Variants in CPT1C observed in about 807,000 individuals in gnomAD.
CPT1C encodes the protein palmitoyl thioesterase CPT1C.
A neutral mutation model predicts 97.3 loss-of-function variants in CPT1C; 61 were observed. The ratio of observed to expected loss-of-function variants is 0.63; its 90% confidence interval spans 0.51 to 0.78. The LOEUF is 0.78. Ranked by LOEUF, CPT1C falls within the 30% of genes least tolerant of loss-of-function variation. The pLI is 0.00. For missense variants in CPT1C, 975 were observed against 1,065.5 expected, an observed-to-expected ratio of 0.92 and a Z score of 1.18; for synonymous variants, 469 against 447.2, an observed-to-expected ratio of 1.05 and a Z score of -0.61.
Position 49,711,836 on chromosome 19 carries a change from G to A in CPT1C, c.1894G>A (p.Val632Met), listed in dbSNP as rs141139944. ...TDPQCLALFR[V>M]AVDKHQALLK... The stretch of plus-strand genomic sequence containing the variant: ...CCCACAGTGCCTCGCCCTGTTCCGC[G>A]TGGCAGTGGACAAGCACCAGGCTCT... Residue 632 changes from valine to methionine, a missense_variant, in exon 17 of 20, where the codon GTG (valine) becomes ATG (methionine). By Grantham distance (21) the Val-to-Met change is conservative. Transcript: ENST00000598293. The A allele has an allele frequency of 1.3e-4, 211 of 1,613,570 alleles. No homozygotes were observed. The highest frequency in any genetic ancestry group is 6.0e-4 in the East Asian group (27 of 44,880).
In CPT1C at chr19:49,701,529, C is replaced by T. The variant is rs1236869687; in HGVS notation, c.588C>T (p.Asp196=). The T allele has an allele frequency of 5.6e-6, 9 of 1,611,772 alleles. No homozygotes were observed. In the South Asian group the frequency reaches 7.7e-5, roughly 14 times the overall value. ...AGTCGGTCCGGCCCATCCTCTCCGA[C>T]GAGGACTTCGACTGGACCGCGGTCC... ...YLESVRPILS[D]EDFDWTAVLA... is the part of the protein sequence containing the mutation. Residue 196 remains aspartate, a synonymous_variant, in exon 7 of 20, where the codon GAC becomes GAT. Transcript: ENST00000598293.
intron 15 of CPT1C, 61 bp downstream of exon 15, chr19:49,710,545 C>T (rs1365288380): frequency 6.3e-7 from 1 of 1,597,682 alleles, no homozygotes; most frequent in Admixed American, 1.7e-5. Context: ...GCCCCCAAGA[C>T]CTGCCCCTCC....
chr19:49,704,595 C>A (rs1327608592), intron 7 of CPT1C, 115 bp from the exon 8 acceptor site: 1 of 769,784 alleles, frequency 1.3e-6, no homozygotes, highest in African/African-American at 1.7e-5. Flanking sequence ...TGGCTGACTT[C>A]TTTGGCTCTA....
chr19:49,711,005 C>A, intron 16 of CPT1C, 148 bp downstream of exon 16: 1 of 757,214 alleles, frequency 1.3e-6, no homozygotes, highest in East Asian at 2.8e-5. Flanking sequence ...CTTCAAAGAG[C>A]TCACTGATGG....
intron 10 of CPT1C, among the ~76,000 whole-genome samples, chr19:49,705,659 C>T (rs1600114363): frequency 6.6e-6 from 1 of 152,058 alleles, no homozygotes. Flanking sequence ...AATCGGGAGC[C>T]TGAAGTGGAA....
chr19:49,713,428 C>T lies in CPT1C; in HGVS notation c.2235C>T (p.His745=), dbSNP rs771226517. The change falls in exon 20 of 20, where the codon CAC becomes CAT. Residue 745 remains histidine (H), a synonymous_variant. Transcript: ENST00000598293. ...ACCTGTTCTCCTTCCAGGATTCCCA[C>T]AGGCTGGGGCAGCACATTGAGGACG... ...SKKSSTKTDS[H]RLGQHIEDAL... 3.7e-6 allele frequency: 6 copies of T among 1,610,314 alleles called. No homozygotes were observed. The highest frequency in any genetic ancestry group is 5.1e-6 in the Non-Finnish European group (6 of 1,178,386).
chr19:49,708,792 C>T lies in CPT1C; in HGVS notation c.1519C>T (p.Pro507Ser), dbSNP rs141796718. Residue 507 changes from proline to serine, a missense_variant, in exon 14 of 20, where the codon CCC becomes TCC. This residue lies in a region of CPT1C where 344 missense variants were observed against 395.7 expected (regional missense o/e 0.87). Transcript: ENST00000598293. ...CGGCCACTGCAAGGGGCACCCGGAC[C>T]CCACACTACCCCAGCCCCAGCGGCT... is the stretch of plus-strand genomic sequence containing the variant. ...TDGHCKGHPDPTLPQPQRLQW... is the reference protein window; with the variant it reads ...TDGHCKGHPDSTLPQPQRLQW... 8.1e-6 allele frequency: 13 copies of T among 1,613,930 alleles called. No homozygotes were observed. Among genetic ancestry groups the T allele is most frequent in the Non-Finnish European group, 1.1e-5 (13 of 1,179,948 alleles).
intron 17 of CPT1C, 139 bp from the exon 18 acceptor site, chr19:49,712,597 C>CAGGAGAAGGGCGTGGTT (rs1253579434): frequency 3.1e-6 from 2 of 655,390 alleles, no homozygotes; most frequent in African/African-American, 3.6e-5. Flanking sequence ...AGGGCGTGGT[C>CAGGAGAAGGGCGTGGTT]AGGAGAAGGG....
Position 49,706,392 on chromosome 19 carries a change from T to TGGCC in CPT1C, c.1329_1332dup (p.Gly445ProfsTer4). 1.3e-6 allele frequency: 2 copies of TGGCC among 1,497,944 alleles called. No individual in the cohort carries two copies. The highest frequency in any genetic ancestry group is 1.8e-6 in the Non-Finnish European group (2 of 1,131,280). 92.8% of individuals were successfully genotyped at this position (1,497,944 alleles called of 1,614,324 possible). On this transcript the variant is annotated frameshift_variant, in exon 12 of 20. Transcript: ENST00000598293. LOFTEE classifies it high-confidence loss of function. This position sits in a 1 kb window ranked among gnomAD's most constrained non-coding sequence, Gnocchi z 4.8. ...TTGGATGCCTACGCCCATGCTCTGC[T>TGGCC]GGCCGGCCGGGGCCATGATCGGTGA...
In CPT1C at chr19:49,706,348, G is replaced by C. The variant is rs1181187524; in HGVS notation, c.1278G>C (p.Arg426Ser). The change falls in exon 12 of 20, where the codon AGG becomes AGC. Residue 426 changes from arginine to serine, a missense_variant. Physicochemically the swap from Arg to Ser is moderately radical, Grantham distance 110 (BLOSUM62 -1). This residue lies in a region of CPT1C where 596 missense variants were observed against 603.1 expected (regional missense o/e 0.99). Transcript: ENST00000598293. The surrounding 1 kb of genome is among the most constrained non-coding windows in gnomAD (Gnocchi z 4.8). ...ATGCTGAGCCCGCGGGGCTCACCAGGGAGGACCCGGCAGCGTCGTTGGATG... is the reference window on the plus strand; with the variant it reads ...ATGCTGAGCCCGCGGGGCTCACCAGCGAGGACCCGGCAGCGTCGTTGGATG... ...SLDAEPAGLT[R>S]EDPAASLDAY... 2.0e-6 allele frequency: 3 copies of C among 1,516,388 alleles called. No individual in the cohort carries two copies. 93.9% of individuals were successfully genotyped at this position (1,516,388 alleles called of 1,614,324 possible).
chr19:49,710,324 A>G lies in CPT1C; in HGVS notation c.1571A>G (p.His524Arg), dbSNP rs1247855972. 6.2e-7 allele frequency: 1 copy of G among 1,613,102 alleles called. No individual in the cohort carries two copies. The highest frequency in any genetic ancestry group is 1.1e-5 in the South Asian group (1 of 91,056). ...TCTTCCCTCCTCCTCTGGCAGATCC[A>G]CTCCTCCATCTCTCTAGCCCTGAGG... ...RLQWDLPDQI[H>R]SSISLALRGA... The change falls in exon 15 of 20, where the codon CAC (histidine) becomes CGC (arginine). Residue 524 changes from histidine to arginine, a missense_variant. By Grantham distance (29) the His-to-Arg change is conservative (BLOSUM62 0). This residue lies in a region of CPT1C where 344 missense variants were observed against 395.7 expected (regional missense o/e 0.87). Transcript: ENST00000598293.
intron 3 of CPT1C, among the ~76,000 whole-genome samples, chr19:49,695,278 ATTTTTT>A (rs947374904): frequency 1.6e-5 from 2 of 127,554 alleles, no homozygotes; most frequent in Admixed American, 8.5e-5. Context: ...AAAATGCACA[ATTTTTT>A]TTTTTTTTTT....
At chr19:49,701,927 TA>T (rs2083104450) in intron 7 of CPT1C, among the ~76,000 whole-genome samples, 2 of 94,260 alleles carry the variant, frequency 2.1e-5, no homozygotes, top group South Asian at 5.3e-4. Context: ...TATATACAAA[TA>T]TTAATATTTA....
Position 49,700,803 on chromosome 19 carries a change from G to T in CPT1C, c.401G>T (p.Gly134Val), listed in dbSNP as rs1568515342. The T allele has an allele frequency of 6.2e-7, 1 of 1,613,346 alleles. No individual in the cohort carries two copies. The highest frequency in any genetic ancestry group is 8.5e-7 in the Non-Finnish European group (1 of 1,180,024). The change falls in exon 5 of 20, where the codon GGC (glycine) becomes GTC (valine). Residue 134 changes from glycine (G) to valine (V), a missense_variant. This residue lies in a region of CPT1C where 596 missense variants were observed against 603.1 expected (regional missense o/e 0.99). Coordinates refer to ENST00000598293, the MANE Select transcript of CPT1C (RefSeq NM_001199753.2). ...CTGAGGCTGCTTCTGTCCTACCACGGCTGGCTTCTTGAGCCCCACGGAGCC... is the reference window on the plus strand; with the variant it reads ...CTGAGGCTGCTTCTGTCCTACCACGTCTGGCTTCTTGAGCCCCACGGAGCC... ...VALRLLLSYHGWLLEPHGAMS... is the reference protein window; with the variant it reads ...VALRLLLSYHVWLLEPHGAMS...
chr19:49,701,574 G>A lies in CPT1C; in HGVS notation c.633G>A (p.Arg211=). ...WTAVLAQEFL[R]LQASLLQWYL... ...CGGTCCTGGCGCAGGAATTCCTGAG[G>A]CTGCAGGCGTCGCTGCTGCAGTGGT... is the stretch of plus-strand genomic sequence containing the variant. The change falls in exon 7 of 20, where the codon AGG becomes AGA. Residue 211 remains arginine, a synonymous_variant. Transcript: ENST00000598293. The A allele has an allele frequency of 6.2e-7, 1 of 1,612,684 alleles. No homozygotes were observed. Among genetic ancestry groups the A allele is most frequent in the Non-Finnish European group, 8.5e-7 (1 of 1,179,278 alleles).
chr19:49,700,820 C>T lies in CPT1C; in HGVS notation c.418C>T (p.His140Tyr). The change falls in exon 5 of 20, where the codon CAC becomes TAC. Residue 140 changes from histidine (H) to tyrosine (Y), a missense_variant. By Grantham distance (83) the His-to-Tyr change is moderately conservative. Coordinates refer to ENST00000598293, the MANE Select transcript of CPT1C (RefSeq NM_001199753.2). ...CTACCACGGCTGGCTTCTTGAGCCC[C>T]ACGGAGCCATGTCCTCCCCCACCAA... ...LSYHGWLLEPHGAMSSPTKTW... is the reference protein window; with the variant it reads ...LSYHGWLLEPYGAMSSPTKTW... 1 of 1,613,208 alleles carries T rather than the reference C, an allele frequency of 6.2e-7. No individual in the cohort carries two copies. The highest frequency in any genetic ancestry group is 2.2e-5 in the East Asian group (1 of 44,886).
chr19:49,702,109 T>TTTATTTATTTATAAATTATAA (rs2083187746), intron 7 of CPT1C, among the ~76,000 whole-genome samples: 1 of 70,936 alleles, frequency 1.4e-5, no homozygotes, highest in Non-Finnish European at 2.5e-5. Context: ...ATTATAAATA[T>TTTATTTATTTATAAATTATAA]ATATTTATTT....
intron 8 of CPT1C, 109 bp downstream of exon 8, chr19:49,704,896 G>A (rs934653361): frequency 2.5e-5 from 35 of 1,402,128 alleles, no homozygotes; most frequent in Admixed American, 3.4e-5. Context: ...GCGCCATCTG[G>A]GATTCATCAT....
In CPT1C at chr19:49,713,728, T is replaced by C; in HGVS notation, c.*123T>C. On this transcript the variant is annotated 3_prime_UTR_variant, in exon 20 of 20. Coordinates refer to ENST00000598293, the MANE Select transcript of CPT1C (RefSeq NM_001199753.2). ...TCCAGGCCAATAAAGATGTGTGAGC[T>C]GGGTGTGTGGTGTCTGCTATGCTCT... 1 of 889,084 alleles carries C rather than the reference T, an allele frequency of 1.1e-6. No homozygotes were observed. The highest frequency in any genetic ancestry group is 1.7e-6 in the Non-Finnish European group (1 of 579,922). 55.1% of individuals were successfully genotyped at this position (889,084 alleles called of 1,614,324 possible).
Sources: gnomAD v4.1 joint callset for allele counts (sites outside exome capture counted in the v4.1 genomes callset) on GRCh38, gnomAD v4.1.1 for gene constraint, gnomAD v4.1.1 regional missense constraint, Gnocchi (gnomAD v3.1) non-coding constraint, MANE v1.5 for transcripts, NCBI Gene and HGNC (gene_info 2026-07-23, HGNC 2026-07-21) for gene names.